NEMF: variants seen among roughly 807,000 people sequenced by gnomAD.
NEMF encodes the protein nuclear export mediator factor.
In NEMF, 89 loss-of-function variants were observed where a neutral mutation model predicts 162.2. The observed-to-expected ratio is 0.55, with a 90% CI of 0.46 to 0.65. NEMF has a LOEUF of 0.65. NEMF is among the 30% of genes least tolerant of loss of function. The pLI, the probability that NEMF is intolerant of heterozygous loss-of-function variation, is 0.00. For synonymous variants in NEMF, 421 were observed against 404.5 expected, an observed-to-expected ratio of 1.04 and a Z score of -0.49; for missense variants, 1,133 against 1,261.9, an observed-to-expected ratio of 0.90 and a Z score of 1.55.
chr14:49,801,852 G>A (rs1048311589), intron 22 of NEMF, among the ~76,000 whole-genome samples: 5 of 151,962 alleles, frequency 3.3e-5, no homozygotes, highest in African/African-American at 4.8e-5. Context: ...ACATTTACCC[G>A]AGTCTACCTT....
At chr14:49,811,451 T>A (rs1217199911) in intron 18 of NEMF, among the ~76,000 whole-genome samples, 15 of 152,138 alleles carry the variant, frequency 9.9e-5, no homozygotes, top group Admixed American at 9.8e-4. Flanking sequence ...TATTGCCTAA[T>A]GACCTATATA....
intron 18 of NEMF, among the ~76,000 whole-genome samples, chr14:49,809,922 T>C (rs1184340365): frequency 1.3e-5 from 2 of 152,072 alleles, no homozygotes; most frequent in Admixed American, 6.6e-5. Context: ...TGTGTCAATG[T>C]AGGTTCATTA....
chr14:49,800,531 T>C lies in NEMF; in HGVS notation c.2261A>G (p.Tyr754Cys), dbSNP rs1341439576. Residue 754 changes from tyrosine (Y) to cysteine (C), a missense_variant, in exon 23 of 33, where the codon TAT becomes TGT. By Grantham distance (194) the Tyr-to-Cys change is radical. Around this residue, in one of 3 missense-constraint regions of NEMF, gnomAD observed 532 missense variants for 578.6 expected, o/e 0.92. Transcript: ENST00000298310. ...ATCCTGATCTTTTCTAACCTCTTCA[T>C]ATTCTCCTTCGTCTTCAGAGCTTTC... is the stretch of plus-strand genomic sequence containing the variant. The part of the protein sequence containing the change: ...QEESSEDEGE[Y>C]EEVRKDQDSV... The C allele has an allele frequency of 3.1e-6, 5 of 1,614,084 alleles. No individual in the cohort carries two copies. Among genetic ancestry groups the C allele is most frequent in the Non-Finnish European group, 3.4e-6 (4 of 1,179,964 alleles).
At chr14:49,795,359 G>T (rs1890643226) in intron 26 of NEMF, among the ~76,000 whole-genome samples, 1 of 150,332 alleles carries the variant, frequency 6.7e-6, no homozygotes. Flanking sequence ...CAGCGGGGTT[G>T]GGGGGTGGGG....
intron 16 of NEMF, among the ~76,000 whole-genome samples, chr14:49,820,954 G>C (rs1317608664): frequency 7.4e-5 from 11 of 148,880 alleles, no homozygotes; most frequent in African/African-American, 1.7e-4. Flanking sequence ...GCCTCTTCCC[G>C]GCCGCCATCC....
intron 25 of NEMF, among the ~76,000 whole-genome samples, chr14:49,797,790 T>A (rs1693618893): frequency 6.6e-6 from 1 of 152,250 alleles, no homozygotes; most frequent in South Asian, 2.1e-4. Flanking sequence ...TAAAAGGTCT[T>A]ATTAGAGCTA....
At chr14:49,834,117 G>A (rs569147384) in intron 7 of NEMF, 30 of 575,274 alleles carry the variant, frequency 5.2e-5, no homozygotes, top group African/African-American at 2.6e-4. Flanking sequence ...TGAGATGGGG[G>A]TCTCACTCTG....
intron 16 of NEMF, among the ~76,000 whole-genome samples, chr14:49,823,787 T>A (rs1594775342): frequency 6.6e-6 from 1 of 152,130 alleles, no homozygotes; most frequent in Non-Finnish European, 1.5e-5. Flanking sequence ...CAACCCCAAT[T>A]GTAAAATTTT....
chr14:49,800,132 T>C (rs573384922), intron 23 of NEMF, among the ~76,000 whole-genome samples: 3 of 152,310 alleles, frequency 2.0e-5, no homozygotes, highest in South Asian at 2.1e-4. Flanking sequence ...AAACATTATA[T>C]AGACTAAAAC....
chr14:49,851,597 G>C lies in NEMF; in HGVS notation c.197C>G (p.Pro66Arg), dbSNP rs761168212. The C allele has an allele frequency of 6.2e-7, 1 of 1,613,650 alleles. No homozygotes were observed. The highest frequency in any genetic ancestry group is 8.5e-7 in the Non-Finnish European group (1 of 1,179,732). ...IRIHTTEFEW[P>R]KNMMPSSFAM... ...AAAACTAGACGGCATCATATTCTTA[G>C]GCCACTCAAATTCTGTTGTATGAAT... is the stretch of plus-strand genomic sequence containing the variant. The change falls in exon 3 of 33, where the codon CCT (proline) becomes CGT (arginine). Residue 66 changes from proline (P) to arginine (R), a missense_variant. Physicochemically the swap from Pro to Arg is moderately radical, Grantham distance 103 (BLOSUM62 -2). Coordinates refer to ENST00000298310, the MANE Select transcript of NEMF (RefSeq NM_004713.6).
At chr14:49,837,334 C>A (rs145306076) in intron 6 of NEMF, among the ~76,000 whole-genome samples, 6 of 151,970 alleles carry the variant, frequency 3.9e-5, no homozygotes, top group Admixed American at 2.0e-4. Flanking sequence ...ACCTGTACTA[C>A]CTGATTTCAA....
intron 28 of NEMF, among the ~76,000 whole-genome samples, chr14:49,788,846 C>T (rs552195364): frequency 3.3e-5 from 5 of 152,206 alleles, no homozygotes; most frequent in East Asian, 1.9e-4. Flanking sequence ...CGTGAGCCAC[C>T]GTGCCAGGCC....
Position 49,802,497 on chromosome 14 carries a change from G to T in NEMF, c.2051C>A (p.Ala684Glu), listed in dbSNP as rs747504296. The change falls in exon 22 of 33, where the codon GCA (alanine) becomes GAA (glutamate). Residue 684 changes from alanine to glutamate, a missense_variant. Around this residue, in one of 3 missense-constraint regions of NEMF, gnomAD observed 532 missense variants for 578.6 expected, o/e 0.92. Transcript: ENST00000298310. The part of the protein sequence containing the change: ...RVQDEDMETL[A>E]SCTSELISEE... ...TGATATGAGTTCACTTGTACAACTT[G>T]CCAGTGTCTCCATGTCTTCATCCTG... is the stretch of plus-strand genomic sequence containing the variant. 6 of 1,613,638 alleles carry T rather than the reference G, an allele frequency of 3.7e-6. No homozygotes were observed. In the African/African-American group the frequency reaches 4.0e-5, roughly 11 times the overall value.
chr14:49,788,453 C>T (rs1890282751), intron 28 of NEMF, among the ~76,000 whole-genome samples: 1 of 151,550 alleles, frequency 6.6e-6, no homozygotes, highest in Non-Finnish European at 1.5e-5. Context: ...TACTCATTTT[C>T]AACATTATGT....
intron 11 of NEMF, among the ~76,000 whole-genome samples, chr14:49,830,538 C>T (rs1287473370): frequency 2.0e-5 from 3 of 152,148 alleles, no homozygotes; most frequent in African/African-American, 7.2e-5. Flanking sequence ...GACACCCATA[C>T]CACACCCCAT....
At chr14:49,832,389 T>C (rs2139979058) in intron 8 of NEMF, 112 bp from the exon 9 acceptor site, 1 of 700,824 alleles carries the variant, frequency 1.4e-6, no homozygotes, top group Non-Finnish European at 2.3e-6. Flanking sequence ...TGGAGTGCAG[T>C]GGTATATTCT....
At chr14:49,808,415 TC>T (rs1278230773) in intron 18 of NEMF, among the ~76,000 whole-genome samples, 2 of 152,120 alleles carry the variant, frequency 1.3e-5, no homozygotes, top group Non-Finnish European at 2.9e-5. Context: ...CCTCAGGTGA[TC>T]CACCTGCCTC....
intron 29 of NEMF, chr14:49,786,107 T>C (rs1890167175): frequency 6.5e-6 from 1 of 152,816 alleles, no homozygotes; most frequent in South Asian, 2.1e-4. Flanking sequence ...GTTGACACGA[T>C]GAGGGGTGAG....
At chr14:49,785,889 C>CAAA (rs5808514) in intron 29 of NEMF, 1,916 of 123,526 alleles carry the variant, frequency 0.016, 43 homozygotes, top group East Asian at 0.023. Flanking sequence ...GACCCTGTCT[C>CAAA]AAAAAAAAAA....
Sources: gnomAD v4.1 joint callset for allele counts (sites outside exome capture counted in the v4.1 genomes callset) on GRCh38, gnomAD v4.1.1 for gene constraint, gnomAD v4.1.1 regional missense constraint, MANE v1.5 for transcripts, NCBI Gene and HGNC (gene_info 2026-07-23, HGNC 2026-07-21) for gene names.